HS6ST3: variants seen among roughly 807,000 people sequenced by gnomAD.
HS6ST3 encodes heparan-sulfate 6-O-sulfotransferase 3.
A neutral mutation model predicts 36.7 loss-of-function variants in HS6ST3; 12 were observed. The ratio of observed to expected loss-of-function variants is 0.33; its 90% CI spans 0.21 to 0.53. HS6ST3 has a LOEUF of 0.53. Ranked by LOEUF, HS6ST3 falls within the 20% of genes least tolerant of loss-of-function variation. HS6ST3 has a pLI of 0.95. For missense variants in HS6ST3, 584 were observed against 640.9 expected (o/e 0.91, Z 0.96); for synonymous variants, 240 against 257.5 (o/e 0.93, Z 0.65).
intron 1 of HS6ST3, among the ~76,000 whole-genome samples, chr13:96,437,778 A>G (rs953235937): frequency 3.9e-5 from 6 of 152,238 alleles, no homozygotes; most frequent in Non-Finnish European, 8.8e-5. Context: ...CAGAACTGCT[A>G]TTGACAGTTC....
chr13:96,301,898 T>TATAATAATAATAATA (rs71113989), intron 1 of HS6ST3, among the ~76,000 whole-genome samples: 2 of 137,764 alleles, frequency 1.5e-5, no homozygotes, highest in East Asian at 2.1e-4. Flanking sequence ...AGACTCCATC[T>TATAATAATAATAATA]ATAATAATAA....
intron 1 of HS6ST3, among the ~76,000 whole-genome samples, chr13:96,199,619 T>C (rs761423188): frequency 6.6e-6 from 1 of 152,210 alleles, no homozygotes; most frequent in Non-Finnish European, 1.5e-5. Flanking sequence ...TCTGCATTGC[T>C]TCTGTGTATT....
chr13:96,825,269 G>C (rs1878624816), intron 1 of HS6ST3, among the ~76,000 whole-genome samples: 1 of 152,144 alleles, frequency 6.6e-6, no homozygotes, highest in East Asian at 1.9e-4. Context: ...TCATAAACAT[G>C]AGTTTGTTTT....
intron 1 of HS6ST3, among the ~76,000 whole-genome samples, chr13:96,304,707 C>CTTTT (rs1566317884): frequency 8.7e-5 from 8 of 92,202 alleles, no homozygotes; most frequent in African/African-American, 2.9e-4. Context: ...TTCTTTCTTT[C>CTTTT]TTTCTTTTTT....
rs146930986 is a variant in HS6ST3, at chr13:96,785,147, C to T, written c.708-47343C>T. On this transcript the variant is annotated intron_variant, in intron 1 of 1. Transcript: ENST00000376705. ...TCACGCCACTGCACTCCAGCCTGGGCGACAGAGTGAGACCCTGTCTAAAAA... is the reference window on the plus strand; with the variant it reads ...TCACGCCACTGCACTCCAGCCTGGGTGACAGAGTGAGACCCTGTCTAAAAA... Among the ~76,000 whole-genome samples the T allele has an allele frequency of 7.1e-3, 1,073 of 151,782 alleles. 15 individuals are homozygous for T. The highest frequency in any genetic ancestry group is 0.024 in the African/African-American group (989 of 41,350).
intron 1 of HS6ST3, among the ~76,000 whole-genome samples, chr13:96,146,213 G>A (rs1049713725): frequency 6.6e-6 from 1 of 152,104 alleles, no homozygotes; most frequent in Non-Finnish European, 1.5e-5. Flanking sequence ...TAGCTTGATG[G>A]GGATGGCACT....
chr13:96,649,922 C>T (rs1343374869), intron 1 of HS6ST3, among the ~76,000 whole-genome samples: 2 of 152,104 alleles, frequency 1.3e-5, no homozygotes, highest in South Asian at 4.2e-4. Context: ...CTCTTACTTA[C>T]TCTGCAGTAG....
chr13:96,600,510 T>C (rs1167757171), intron 1 of HS6ST3, among the ~76,000 whole-genome samples: 2 of 152,126 alleles, frequency 1.3e-5, no homozygotes, highest in East Asian at 1.9e-4. Flanking sequence ...TTGGTTTTCA[T>C]TGTGTGGAAT....
chr13:96,183,812 G>T (rs1320212912), intron 1 of HS6ST3, among the ~76,000 whole-genome samples: 1 of 152,166 alleles, frequency 6.6e-6, no homozygotes, highest in African/African-American at 2.4e-5. Flanking sequence ...TGAAGTTTCA[G>T]TTTTGCAAGA....
intron 1 of HS6ST3, among the ~76,000 whole-genome samples, chr13:96,559,264 C>G (rs1459661465): frequency 2.7e-5 from 4 of 148,630 alleles, no homozygotes; most frequent in Non-Finnish European, 5.9e-5. Context: ...CTATAGACGC[C>G]CCCCCCACCA....
chr13:96,776,111 A>G (rs957669796), intron 1 of HS6ST3, among the ~76,000 whole-genome samples: 80 of 152,330 alleles, frequency 5.3e-4, no homozygotes, highest in African/African-American at 1.8e-3. Flanking sequence ...AACGAAATGA[A>G]GGCAGAAATA....
intron 1 of HS6ST3, among the ~76,000 whole-genome samples, chr13:96,189,910 G>A (rs1329026037): frequency 6.6e-6 from 1 of 152,172 alleles, no homozygotes; most frequent in Non-Finnish European, 1.5e-5. Flanking sequence ...TGGAGGTAGG[G>A]CAGGGACAGG....
intron 1 of HS6ST3, among the ~76,000 whole-genome samples, chr13:96,415,410 G>T (rs2055528168): frequency 6.6e-6 from 1 of 152,122 alleles, no homozygotes; most frequent in African/African-American, 2.4e-5. Flanking sequence ...TTATCTTCTT[G>T]CTAAGCTACG....
chr13:96,797,130 T>C (rs952744498), intron 1 of HS6ST3, among the ~76,000 whole-genome samples: 61 of 152,220 alleles, frequency 4.0e-4, no homozygotes, highest in African/African-American at 1.4e-3. Flanking sequence ...ATTATATTTA[T>C]TGACCCTTCA....
chr13:96,509,036 A>G (rs1289072396), intron 1 of HS6ST3, among the ~76,000 whole-genome samples: 1 of 152,018 alleles, frequency 6.6e-6, no homozygotes, highest in Non-Finnish European at 1.5e-5. Context: ...ACTTTTTAAT[A>G]ATGGTCATTC....
chr13:96,180,009 T>C (rs1165383235), intron 1 of HS6ST3, among the ~76,000 whole-genome samples: 1 of 152,042 alleles, frequency 6.6e-6, no homozygotes, highest in East Asian at 1.9e-4. Context: ...AACTTTTGTG[T>C]TTTGTGGTAG....
intron 1 of HS6ST3, among the ~76,000 whole-genome samples, chr13:96,144,028 G>T (rs2054044445): frequency 6.6e-6 from 1 of 152,100 alleles, no homozygotes; most frequent in South Asian, 2.1e-4. Flanking sequence ...TCAAAATAAA[G>T]GCAGCATGAT....
intron 1 of HS6ST3, among the ~76,000 whole-genome samples, chr13:96,484,499 A>G (rs1456493317): frequency 1.3e-5 from 2 of 152,106 alleles, no homozygotes; most frequent in Non-Finnish European, 1.5e-5. Context: ...TTTGACCAAA[A>G]TCTCTCCATT....
At chr13:96,245,429 A>G (rs1257914454) in intron 1 of HS6ST3, among the ~76,000 whole-genome samples, 1 of 152,160 alleles carries the variant, frequency 6.6e-6, no homozygotes, top group Admixed American at 6.5e-5. Context: ...ATTTAAGGTA[A>G]TAGCTGTCAA....
Sources: allele counts gnomAD v4.1 joint callset (sites outside exome capture counted in the v4.1 genomes callset), GRCh38; gene constraint gnomAD v4.1.1; transcripts MANE v1.5; gene names NCBI Gene and HGNC (gene_info 2026-07-23, HGNC 2026-07-21).